AASDHPPT: variants seen among roughly 807,000 people sequenced by gnomAD.
AASDHPPT encodes the protein aminoadipate-semialdehyde dehydrogenase-phosphopantetheinyl transferase.
A neutral mutation model predicts 36.4 loss-of-function variants in AASDHPPT; 23 were observed. The observed-to-expected ratio is 0.63, with a 90% CI of 0.45 to 0.89. The LOEUF is 0.89. AASDHPPT is among the 40% of genes least tolerant of loss of function. AASDHPPT has a pLI of 0.00. For synonymous variants in AASDHPPT, 115 were observed against 128.0 expected (o/e 0.90, Z 0.68); for missense variants, 377 against 378.2 (o/e 1.00, Z 0.03).
chr11:106,084,803 C>T (rs979921251), intron 2 of AASDHPPT, among the ~76,000 whole-genome samples: 4 of 151,666 alleles, frequency 2.6e-5, no homozygotes, highest in African/African-American at 4.8e-5. Flanking sequence ...TTAGTAGAGA[C>T]GGAGTTTCAC....
intron 2 of AASDHPPT, 70 bp from the exon 3 acceptor site, chr11:106,090,487 T>C: frequency 7.6e-7 from 1 of 1,316,038 alleles, no homozygotes; most frequent in Non-Finnish European, 1.0e-6. Context: ...TCTTGAACAG[T>C]TTTAGTAATA....
In AASDHPPT at chr11:106,090,656, T is replaced by G; in HGVS notation, c.509T>G (p.Leu170Arg). The G allele has an allele frequency of 6.3e-7, 1 of 1,591,352 alleles. No individual in the cohort carries two copies. Among genetic ancestry groups the G allele is most frequent in the Non-Finnish European group, 8.5e-7 (1 of 1,170,406 alleles). Residue 170 changes from leucine to arginine, a missense_variant, in exon 3 of 6, where the codon CTG becomes CGG. By Grantham distance (102) the Leu-to-Arg change is moderately radical (BLOSUM62 -2). Transcript: ENST00000278618. The part of the protein sequence containing the change: ...IRSFKDEWTQ[L>R]DMFYRNWALK... ...AGCTTTAAGGATGAGTGGACTCAGC[T>G]GGATATGTTTTATAGGAATTGGGTA...
At chr11:106,096,146 C>CT (rs1861310958) in intron 5 of AASDHPPT, among the ~76,000 whole-genome samples, 1 of 152,166 alleles carries the variant, frequency 6.6e-6, no homozygotes, top group South Asian at 2.1e-4. Flanking sequence ...AGTACTGGAC[C>CT]TTGACTTGTT....
Position 106,077,720 on chromosome 11 carries a change from C to G in AASDHPPT, c.10C>G (p.Pro4Ala). 1 of 1,613,648 alleles carries G rather than the reference C, an allele frequency of 6.2e-7. No individual in the cohort carries two copies. The highest frequency in any genetic ancestry group is 8.5e-7 in the Non-Finnish European group (1 of 1,179,660). Residue 4 changes from proline (P) to alanine (A), a missense_variant, in exon 1 of 6, where the codon CCT (proline) becomes GCT (alanine). By Grantham distance (27) the Pro-to-Ala change is conservative. Transcript: ENST00000278618. ...GGTCCGCTTTCAGTGTATGGTTTTC[C>G]CTGCCAAACGGTTCTGCTTGGTGCC... is the stretch of plus-strand genomic sequence containing the variant. Reference protein sequence around the residue: MVFPAKRFCLVPSM... With the variant: MVFAAKRFCLVPSM...
intron 5 of AASDHPPT, among the ~76,000 whole-genome samples, chr11:106,094,982 A>C (rs1861298455): frequency 6.6e-6 from 1 of 152,032 alleles, no homozygotes; most frequent in South Asian, 2.1e-4. Flanking sequence ...AAAATTAGCC[A>C]GGTGTGGTGG....
chr11:106,091,242 C>T, intron 3 of AASDHPPT, 74 bp from the exon 4 acceptor site: 1 of 1,348,548 alleles, frequency 7.4e-7, no homozygotes, highest in Non-Finnish European at 1.0e-6. Flanking sequence ...AACTCCCTAT[C>T]TTTTGGACCT....
At chr11:106,086,344 T>A (rs1036375338) in intron 2 of AASDHPPT, 1 of 152,340 alleles carries the variant, frequency 6.6e-6, no homozygotes, top group African/African-American at 2.4e-5. Context: ...AATGACCTTT[T>A]CTGTCTCCTC....
intron 4 of AASDHPPT, chr11:106,094,265 T>G (rs1861289954): frequency 5.3e-6 from 1 of 187,394 alleles, no homozygotes; most frequent in African/African-American, 2.3e-5. Flanking sequence ...ATTGGATTAA[T>G]TCACAGAATT....
intron 4 of AASDHPPT, chr11:106,093,037 A>G (rs1215289118): frequency 6.6e-6 from 1 of 152,100 alleles, no homozygotes; most frequent in Non-Finnish European, 1.5e-5. Flanking sequence ...GAATTTGTGG[A>G]GGGGACTGAT....
rs766723419 is a variant in AASDHPPT at position 106,090,553 on chromosome 11, G to A, written c.410-4G>A. 1.9e-6 allele frequency: 3 copies of A among 1,557,572 alleles called. No individual in the cohort carries two copies. Among genetic ancestry groups the A allele is most frequent in the South Asian group, 2.5e-5 (2 of 81,184 alleles). On this transcript the variant is annotated splice_region_variant and splice_polypyrimidine_tract_variant and intron_variant, in intron 2 of 5. Transcript: ENST00000278618. Reference sequence around the variant, plus strand: ...TATTTAATTTTTTATTTCTTAATTGGCAGGTCGTGGTTCAATTCCAGAATT... The same window carrying A: ...TATTTAATTTTTTATTTCTTAATTGACAGGTCGTGGTTCAATTCCAGAATT...
chr11:106,078,013 G>T (rs2135033158), intron 1 of AASDHPPT, 120 bp downstream of exon 1: 1 of 1,283,102 alleles, frequency 7.8e-7, no homozygotes, highest in East Asian at 2.6e-5. Flanking sequence ...GGAGCCTGTG[G>T]CCGGCCCGGG....
At chr11:106,093,631 T>C (rs1591545920) in intron 4 of AASDHPPT, 1 of 152,164 alleles carries the variant, frequency 6.6e-6, no homozygotes, top group Non-Finnish European at 1.5e-5. Context: ...ATGAAAAAGC[T>C]CCCTAAGTAC....
rs1861078428 is a variant in AASDHPPT at position 106,077,898 on chromosome 11, T to TAC, written c.183+7_183+8dup. On this transcript the variant is annotated splice_donor_region_variant and intron_variant, in intron 1 of 5. Coordinates refer to ENST00000278618, the MANE Select transcript of AASDHPPT (RefSeq NM_015423.3). ...CGGGACGCTAAGGCAGCCATGGTAC[T>TAC]ACAGGTCTTTTTTGGTATTTAGAGC... 1 of 1,613,570 alleles carries TAC rather than the reference T, an allele frequency of 6.2e-7. No homozygotes were observed.
At position 106,091,491 on chromosome 11, in the gene AASDHPPT, T is replaced by C; in HGVS notation, c.693+14T>C. On this transcript the variant is annotated intron_variant, in intron 4 of 5. Transcript: ENST00000278618. ...TGGGCATTTGAGGTAAGAAATTTGT[T>C]AGAATTGTTAAAACTAAGAATTTCT... The C allele has an allele frequency of 6.4e-7, 1 of 1,560,604 alleles. No homozygotes were observed. The highest frequency in any genetic ancestry group is 8.6e-7 in the Non-Finnish European group (1 of 1,160,700).
intron 4 of AASDHPPT, 173 bp from the exon 5 acceptor site, chr11:106,094,410 A>T (rs980368573): frequency 3.3e-5 from 15 of 448,828 alleles, no homozygotes; most frequent in African/African-American, 2.8e-4. Flanking sequence ...GCACATATGT[A>T]ACTTCTAAAG....
At chr11:106,094,469 CGTATAT>C (rs1413386832) in intron 4 of AASDHPPT, 108 bp from the exon 5 acceptor site, 5 of 709,402 alleles carry the variant, frequency 7.0e-6, no homozygotes, top group Non-Finnish European at 1.1e-5. Context: ...TGTGAGTGTA[CGTATAT>C]GTATATATAT....
chr11:106,086,626 C>T (rs1002327339), intron 2 of AASDHPPT, among the ~76,000 whole-genome samples: 1 of 152,140 alleles, frequency 6.6e-6, no homozygotes, highest in Non-Finnish European at 1.5e-5. Flanking sequence ...CCCATTCCAG[C>T]ATTAACTCTA....
rs1414999720 is a variant in AASDHPPT at position 106,077,692 on chromosome 11, C to A, written c.-19C>A. 2 of 1,604,596 alleles carry A rather than the reference C, an allele frequency of 1.2e-6. No individual in the cohort carries two copies. Among genetic ancestry groups the A allele is most frequent in the African/African-American group, 2.7e-5 (2 of 74,654 alleles). Reference sequence around the variant, plus strand: ...CGCGCCATCAGGCCCGAGATAGCGGCGAGGTCCGCTTTCAGTGTATGGTTT... The same window carrying A: ...CGCGCCATCAGGCCCGAGATAGCGGAGAGGTCCGCTTTCAGTGTATGGTTT... On this transcript the variant is annotated 5_prime_UTR_variant, in exon 1 of 6. Transcript: ENST00000278618.
At chr11:106,094,184 T>C (rs1591546028) in intron 4 of AASDHPPT, 1 of 155,308 alleles carries the variant, frequency 6.4e-6, no homozygotes. Flanking sequence ...GACAACTGAA[T>C]GCAATACTTG....
Sources: gnomAD v4.1 joint callset for allele counts (sites outside exome capture counted in the v4.1 genomes callset) on GRCh38, gnomAD v4.1.1 for gene constraint, MANE v1.5 for transcripts, NCBI Gene and HGNC (gene_info 2026-07-23, HGNC 2026-07-21) for gene names.